Variants in BTBD9 observed in about 807,000 individuals in gnomAD.
BTBD9 encodes BTB/POZ domain-containing protein 9.
A neutral mutation model predicts 64.3 loss-of-function variants in BTBD9; 49 were observed. The ratio of observed to expected loss-of-function variants is 0.76; its 90% confidence interval spans 0.61 to 0.97. The LOEUF is 0.97. Ranked by LOEUF, BTBD9 falls within the 50% of genes least tolerant of loss-of-function variation. The pLI is 0.00. For synonymous variants in BTBD9, 260 were observed against 274.7 expected, an observed-to-expected ratio of 0.95 and a Z score of 0.53; for missense variants, 598 against 762.1, an observed-to-expected ratio of 0.78 and a Z score of 2.53.
intron 6 of BTBD9, among the ~76,000 whole-genome samples, chr6:38,359,713 G>T (rs1417322024): frequency 6.6e-6 from 1 of 152,116 alleles, no homozygotes; most frequent in African/African-American, 2.4e-5. Flanking sequence ...GGAAGGAAAG[G>T]TGGGGGAAAG....
intron 1 of BTBD9, among the ~76,000 whole-genome samples, chr6:38,635,499 A>G (rs1778499078): frequency 6.6e-6 from 1 of 152,176 alleles, no homozygotes; most frequent in African/African-American, 2.4e-5. Flanking sequence ...TGTGTCCTCC[A>G]TGTGTTAGAG....
rs563836078 is a variant in BTBD9 at position 38,616,982 on chromosome 6, C to T, written c.-27-18861G>A. 7.2e-5 allele frequency among the ~76,000 whole-genome samples: 11 copies of T among 152,260 alleles called. No individual in the cohort carries two copies. In the South Asian group the frequency reaches 1.0e-3, roughly 14 times the overall value. On this transcript the variant is annotated intron_variant, in intron 1 of 10. Transcript: ENST00000481247. ...GGGACTTGTCCAGGATATCGCTATG[C>T]GGTGAGTACTATCGGACCCCTTTCG...
chr6:38,202,075 C>CTT (rs1762479130), intron 9 of BTBD9, among the ~76,000 whole-genome samples: 1 of 144,928 alleles, frequency 6.9e-6, no homozygotes, highest in Non-Finnish European at 1.5e-5. Flanking sequence ...CCAAAAATGT[C>CTT]GTTTTTTTTG....
chr6:38,460,190 T>A (rs1465901983), intron 6 of BTBD9, among the ~76,000 whole-genome samples: 1 of 152,230 alleles, frequency 6.6e-6, no homozygotes, highest in Non-Finnish European at 1.5e-5. Context: ...CCTTAGGCAG[T>A]AAGAAAATGT....
chr6:38,424,551 C>G (rs991517980), intron 6 of BTBD9, among the ~76,000 whole-genome samples: 2 of 151,984 alleles, frequency 1.3e-5, no homozygotes, highest in Non-Finnish European at 2.9e-5. Flanking sequence ...GAGTCTCGCT[C>G]TGTCGCCCAG....
At chr6:38,537,636 A>G (rs2127434905) in intron 6 of BTBD9, among the ~76,000 whole-genome samples, 1 of 152,342 alleles carries the variant, frequency 6.6e-6, no homozygotes, top group Admixed American at 6.5e-5. Context: ...TATTGACAAT[A>G]TGACATGGAA....
At position 38,240,735 on chromosome 6, in the gene BTBD9, A is replaced by G. The variant is rs573369836; in HGVS notation, c.1562+15674T>C. 3.5e-4 allele frequency among the ~76,000 whole-genome samples: 54 copies of G among 152,358 alleles called. No homozygotes were observed. The South Asian group carries it at 9.9e-3, about 28-fold the overall frequency. On this transcript the variant is annotated intron_variant, in intron 9 of 10. Transcript: ENST00000481247. ...ATTTGAAAATCAGACTAGAAATTCA[A>G]AAATGAAGGCATTTGGAATTGTAGA...
chr6:38,591,405 T>C (rs753947857), intron 4 of BTBD9, among the ~76,000 whole-genome samples: 12 of 152,178 alleles, frequency 7.9e-5, no homozygotes, highest in Admixed American at 7.2e-4. Context: ...CCCTCAACCA[T>C]ACCAAGCCAC....
At chr6:38,628,208 G>A (rs1781711) in intron 1 of BTBD9, among the ~76,000 whole-genome samples, 3 of 152,024 alleles carry the variant, frequency 2.0e-5, no homozygotes, top group East Asian at 3.9e-4. Context: ...TAAATAAAAT[G>A]AAAAATAGAG....
Position 38,316,850 on chromosome 6 carries a change from C to T in BTBD9, c.1264+28134G>A, listed in dbSNP as rs34739295. On this transcript the variant is annotated intron_variant, in intron 7 of 10. Transcript: ENST00000481247. ...CTTTCCTTTCGGACCAAAGAACTCC[C>T]TTTGGCATTTCTTGTAGGACAGGTC... is the stretch of plus-strand genomic sequence containing the variant. 3.7e-3 allele frequency among the ~76,000 whole-genome samples: 561 copies of T among 152,298 alleles called. 3 individuals are homozygous for T. The highest frequency in any genetic ancestry group is 6.8e-3 in the Middle Eastern group (2 of 294).
chr6:38,625,836 G>A (rs1198179583), intron 1 of BTBD9, among the ~76,000 whole-genome samples: 1 of 152,166 alleles, frequency 6.6e-6, no homozygotes, highest in Non-Finnish European at 1.5e-5. Context: ...GGGTAACTAT[G>A]AGGATAAAAT....
At chr6:38,229,891 C>T (rs963857393) in intron 9 of BTBD9, among the ~76,000 whole-genome samples, 1 of 152,162 alleles carries the variant, frequency 6.6e-6, no homozygotes, top group African/African-American at 2.4e-5. Context: ...TTGTCTCATC[C>T]AGAAACCCGA....
chr6:38,323,362 T>C (rs1763307284), intron 7 of BTBD9, among the ~76,000 whole-genome samples: 1 of 151,944 alleles, frequency 6.6e-6, no homozygotes, highest in African/African-American at 2.4e-5. Context: ...TCTAGAGCCA[T>C]AAAAATCAAA....
chr6:38,409,641 A>G (rs1299317634), intron 6 of BTBD9, among the ~76,000 whole-genome samples: 1 of 151,984 alleles, frequency 6.6e-6, no homozygotes, highest in East Asian at 1.9e-4. Context: ...TGGCTAACAC[A>G]GTGAAACCCT....
chr6:38,625,876 T>G (rs1200606427), intron 1 of BTBD9, among the ~76,000 whole-genome samples: 2 of 152,234 alleles, frequency 1.3e-5, no homozygotes, highest in East Asian at 3.8e-4. Context: ...GTACAGTGCT[T>G]CACATGTAAC....
intron 8 of BTBD9, among the ~76,000 whole-genome samples, chr6:38,285,132 C>T (rs1264995743): frequency 6.6e-6 from 1 of 152,068 alleles, no homozygotes; most frequent in Non-Finnish European, 1.5e-5. Context: ...AAGGGTGTGG[C>T]CATATCAGAT....
chr6:38,360,256 T>C (rs996233490), intron 6 of BTBD9, among the ~76,000 whole-genome samples: 1 of 152,196 alleles, frequency 6.6e-6, no homozygotes, highest in Non-Finnish European at 1.5e-5. Flanking sequence ...ATAATACATG[T>C]GTTAAGTGGT....
chr6:38,196,734 C>T (rs1195939983), intron 9 of BTBD9, among the ~76,000 whole-genome samples: 3 of 152,176 alleles, frequency 2.0e-5, no homozygotes, highest in East Asian at 1.9e-4. Context: ...ACAATGCAAA[C>T]AGTACAGTGG....
intron 1 of BTBD9, among the ~76,000 whole-genome samples, chr6:38,616,689 C>T (rs558284871): frequency 2.6e-4 from 39 of 152,102 alleles, no homozygotes; most frequent in African/African-American, 6.5e-4. Flanking sequence ...GAAAAGAGCG[C>T]GCTTTGATAG....
Sources: allele counts gnomAD v4.1 joint callset (sites outside exome capture counted in the v4.1 genomes callset), GRCh38; gene constraint gnomAD v4.1.1; transcripts MANE v1.5; gene names NCBI Gene and HGNC (gene_info 2026-07-23, HGNC 2026-07-21).